The following RYR3 variants were observed in gnomAD, a reference collection of about 807,000 sequenced individuals.
RYR3 encodes brain ryanodine receptor-calcium release channel.
Under a neutral mutation model 584.3 loss-of-function variants are expected in RYR3, and 207 were observed. The ratio of observed to expected loss-of-function variants is 0.35; its 90% CI spans 0.32 to 0.40. RYR3 has a LOEUF of 0.40. Ranked by LOEUF, RYR3 falls within the 10% of genes least tolerant of loss-of-function variation. The pLI, the probability that RYR3 is intolerant of heterozygous loss-of-function variation, is 1.00. For synonymous variants in RYR3, 2,416 were observed against 2,248.5 expected (o/e 1.07, Z -2.11); for missense variants, 5,616 against 6,089.2 (o/e 0.92, Z 2.59).
chr15:33,689,432 CAT>C (rs1431829518), intron 38 of RYR3, among the ~76,000 whole-genome samples: 1 of 152,168 alleles, frequency 6.6e-6, no homozygotes, highest in Non-Finnish European at 1.5e-5. Flanking sequence ...TGTACACACA[CAT>C]GCACACATAC....
At chr15:33,493,363 T>C (rs2051141629) in intron 2 of RYR3, among the ~76,000 whole-genome samples, 1 of 152,194 alleles carries the variant, frequency 6.6e-6, no homozygotes, top group Non-Finnish European at 1.5e-5. Context: ...ATCTTCATGG[T>C]TTCTCATCAC....
chr15:33,341,671 A>C (rs1971837230), intron 1 of RYR3, among the ~76,000 whole-genome samples: 1 of 152,028 alleles, frequency 6.6e-6, no homozygotes, highest in Non-Finnish European at 1.5e-5. Flanking sequence ...TAGGATGTTA[A>C]AGGCTAATTC....
intron 1 of RYR3, among the ~76,000 whole-genome samples, chr15:33,397,448 A>G (rs905526083): frequency 1.3e-5 from 2 of 152,224 alleles, no homozygotes; most frequent in East Asian, 1.9e-4. Context: ...TCAGGACACA[A>G]AGACACACAG....
intron 38 of RYR3, among the ~76,000 whole-genome samples, chr15:33,685,238 G>A (rs1217379353): frequency 6.6e-6 from 1 of 152,184 alleles, no homozygotes; most frequent in Non-Finnish European, 1.5e-5. Context: ...TCAAAACAAA[G>A]GGATGGAGGA....
At chr15:33,447,811 C>T (rs894897033) in intron 1 of RYR3, among the ~76,000 whole-genome samples, 5 of 152,140 alleles carry the variant, frequency 3.3e-5, no homozygotes, top group African/African-American at 1.2e-4. Flanking sequence ...AATTCTAAAG[C>T]CCAGCTCATA....
chr15:33,349,683 C>G (rs370589605), intron 1 of RYR3, among the ~76,000 whole-genome samples: 4 of 149,096 alleles, frequency 2.7e-5, no homozygotes, highest in African/African-American at 9.9e-5. Context: ...CATGCTGGTG[C>G]GCTGCACCCA....
chr15:33,488,041 G>C (rs1485627471), intron 2 of RYR3, among the ~76,000 whole-genome samples: 1 of 151,982 alleles, frequency 6.6e-6, no homozygotes, highest in Non-Finnish European at 1.5e-5. Context: ...ACCCATAGTA[G>C]AAAAGAAAAA....
chr15:33,486,547 G>A (rs2050442192), intron 2 of RYR3, among the ~76,000 whole-genome samples: 1 of 152,038 alleles, frequency 6.6e-6, no homozygotes, highest in Admixed American at 6.5e-5. Flanking sequence ...TCTTTTGCGG[G>A]GACACAAAAC....
intron 1 of RYR3, among the ~76,000 whole-genome samples, chr15:33,416,337 T>C (rs927749613): frequency 4.6e-5 from 7 of 152,214 alleles, no homozygotes; most frequent in African/African-American, 7.2e-5. Flanking sequence ...ATAAGCATTC[T>C]CTTTTCTCTA....
In RYR3 at chr15:33,623,992, C is replaced by G. The variant is rs774609956; in HGVS notation, c.2543C>G (p.Ser848Cys). Residue 848 changes from serine (S) to cysteine (C), a missense_variant, in exon 20 of 104, where the codon TCT becomes TGT. By Grantham distance (112) the Ser-to-Cys change is moderately radical. Around this residue, in one of 9 missense-constraint regions of RYR3, gnomAD observed 1,284 missense variants for 1,344.6 expected, o/e 0.95. Coordinates refer to ENST00000634891, the MANE Select transcript of RYR3 (RefSeq NM_001036.6). ...LGTTQFLSQA[S>C]FIPCPVDTSQ... The stretch of plus-strand genomic sequence containing the variant: ...ACCACCCAGTTCCTCTCCCAAGCCT[C>G]TTTCATCCCATGCCCCGTAGACACC... 5.6e-6 allele frequency: 9 copies of G among 1,613,962 alleles called. No individual in the cohort carries two copies. Among genetic ancestry groups the G allele is most frequent in the Admixed American group, 5.0e-5 (3 of 60,028 alleles).
At chr15:33,543,570 T>C in intron 7 of RYR3, 52 bp from the exon 8 acceptor site, 5 of 1,151,456 alleles carry the variant, frequency 4.3e-6, no homozygotes, top group African/African-American at 1.5e-5. Flanking sequence ...AAATATGCCA[T>C]TCTCTTCATT....
At chr15:33,334,514 C>T (rs1430563021) in intron 1 of RYR3, among the ~76,000 whole-genome samples, 1 of 152,100 alleles carries the variant, frequency 6.6e-6, no homozygotes, top group Non-Finnish European at 1.5e-5. Flanking sequence ...TTCCTTACAC[C>T]TTATACAAAA....
At chr15:33,452,454 AT>A (rs2047206397) in intron 1 of RYR3, among the ~76,000 whole-genome samples, 3 of 152,234 alleles carry the variant, frequency 2.0e-5, no homozygotes, top group Admixed American at 6.5e-5. Context: ...TAGAAATAAT[AT>A]GTCTATGAAA....
In RYR3 at chr15:33,581,493, C is replaced by T; in HGVS notation, c.1438-15C>T. 6.2e-7 allele frequency: 1 copy of T among 1,611,930 alleles called. No individual in the cohort carries two copies. ...AATCAGCAATGTTTACATTTTCCTC[C>T]ACTCTCCTTCTCAGGGAATGTTGGC... is the stretch of plus-strand genomic sequence containing the variant. On this transcript the variant is annotated splice_polypyrimidine_tract_variant and intron_variant, in intron 13 of 103. Transcript: ENST00000634891.
intron 19 of RYR3, among the ~76,000 whole-genome samples, chr15:33,616,674 G>A (rs116067588): frequency 0.01 from 1,574 of 152,312 alleles, 27 homozygotes; most frequent in African/African-American, 0.033. Context: ...TATAGCAGCT[G>A]AACAGGTGGA....
At position 33,548,131 on chromosome 15, in the gene RYR3, A is replaced by G. The variant is rs1241750246; in HGVS notation, c.742A>G (p.Arg248Gly). The G allele has an allele frequency of 6.2e-7, 1 of 1,611,294 alleles. No homozygotes were observed. Among genetic ancestry groups the G allele is most frequent in the Non-Finnish European group, 8.5e-7 (1 of 1,178,596 alleles). The change falls in exon 9 of 104, where the codon AGG (arginine) becomes GGG (glycine). Residue 248 changes from arginine to glycine, a missense_variant and splice_region_variant. Physicochemically the swap from Arg to Gly is moderately radical, Grantham distance 125 (BLOSUM62 -2). Around this residue, in one of 9 missense-constraint regions of RYR3, gnomAD observed 1,284 missense variants for 1,344.6 expected, o/e 0.95. Coordinates refer to ENST00000634891, the MANE Select transcript of RYR3 (RefSeq NM_001036.6). ...GCTGATCTCCAACTCTGCTCACAGGAGGATATTCTACGAAGCTGGGGGAGC... is the reference window on the plus strand; with the variant it reads ...GCTGATCTCCAACTCTGCTCACAGGGGGATATTCTACGAAGCTGGGGGAGC... ...STDQNDSQHRRIFYEAGGAGT... is the reference protein window; with the variant it reads ...STDQNDSQHRGIFYEAGGAGT...
chr15:33,648,690 T>A (rs557659827), intron 30 of RYR3, among the ~76,000 whole-genome samples: 1 of 152,324 alleles, frequency 6.6e-6, no homozygotes, highest in South Asian at 2.1e-4. Flanking sequence ...GTGCCCGCTC[T>A]CTCCTGCAGC....
At chr15:33,676,951 C>T (rs1194016341) in intron 38 of RYR3, among the ~76,000 whole-genome samples, 2 of 152,140 alleles carry the variant, frequency 1.3e-5, no homozygotes, top group African/African-American at 4.8e-5. Flanking sequence ...GAGAGAAAGT[C>T]GAACACTTAA....
chr15:33,834,315 CACACACACAGTG>C (rs1273727349), intron 86 of RYR3, among the ~76,000 whole-genome samples: 1 of 145,512 alleles, frequency 6.9e-6, no homozygotes, highest in Non-Finnish European at 1.5e-5. Flanking sequence ...CACACACACA[CACACACACAGTG>C]AGATTAACAT....
Sources: gnomAD v4.1 joint callset for allele counts (sites outside exome capture counted in the v4.1 genomes callset) on GRCh38, gnomAD v4.1.1 for gene constraint, gnomAD v4.1.1 regional missense constraint, MANE v1.5 for transcripts, NCBI Gene and HGNC (gene_info 2026-07-23, HGNC 2026-07-21) for gene names.